The following FGF12 variants were observed in gnomAD, a reference collection of about 807,000 sequenced individuals.
FGF12 encodes the protein fibroblast growth factor 12.
Under a neutral mutation model 23.6 loss-of-function variants are expected in FGF12, and 14 were observed. The ratio of observed to expected loss-of-function variants is 0.59; its 90% confidence interval spans 0.39 to 0.93. The LOEUF is 0.93. FGF12 is among the 40% of genes least tolerant of loss of function. The probability of loss-of-function intolerance (pLI) is 0.00; values close to 1 mark genes in which losing one functional copy is unlikely to be tolerated. For synonymous variants in FGF12, 62 were observed against 77.3 expected (o/e 0.80, Z 1.04); for missense variants, 175 against 217.8 (o/e 0.80, Z 1.24).
intron 2 of FGF12, among the ~76,000 whole-genome samples, chr3:192,579,829 C>T (rs1426843536): frequency 1.3e-5 from 2 of 152,198 alleles, no homozygotes; most frequent in East Asian, 3.8e-4. Context: ...CTCGGCCTCC[C>T]CAAATGCTCA....
intron 2 of FGF12, among the ~76,000 whole-genome samples, chr3:192,387,717 C>CT (rs1428552755): frequency 1.1e-4 from 14 of 132,332 alleles, no homozygotes; most frequent in South Asian, 5.3e-4. Context: ...CACACACACA[C>CT]AATATATATA....
chr3:192,301,238 C>G (rs1002539816), intron 4 of FGF12, among the ~76,000 whole-genome samples: 19 of 152,076 alleles, frequency 1.2e-4, no homozygotes, highest in African/African-American at 4.6e-4. Flanking sequence ...AAACGAATCA[C>G]CGGGCATGGA....
intron 2 of FGF12, among the ~76,000 whole-genome samples, chr3:192,551,150 A>T (rs1483035526): frequency 6.6e-6 from 1 of 152,228 alleles, no homozygotes; most frequent in Non-Finnish European, 1.5e-5. Context: ...CAGGACTGTC[A>T]TATTTTAGAG....
intron 4 of FGF12, among the ~76,000 whole-genome samples, chr3:192,194,037 C>T (rs1031804080): frequency 6.6e-6 from 1 of 152,168 alleles, no homozygotes; most frequent in African/African-American, 2.4e-5. Flanking sequence ...ACTCATACAG[C>T]CCTGTATTTC....
Position 192,669,743 on chromosome 3 carries a change from C to A in FGF12, c.13+57438G>T, listed in dbSNP as rs920564042. On this transcript the variant is annotated intron_variant, in intron 2 of 5. Transcript: ENST00000445105. ...AATTGTTATTTACCTTTTTCATTAT[C>A]ATTTTCTTATGATAATGTGTTTTCC... is the stretch of plus-strand genomic sequence containing the variant. Among the ~76,000 whole-genome samples, 4 of 150,616 alleles carry A rather than the reference C, an allele frequency of 2.7e-5. No individual in the cohort carries two copies. In the Admixed American group the frequency reaches 2.7e-4, roughly 10 times the overall value.
At chr3:192,499,704 T>A (rs1246440694) in intron 2 of FGF12, among the ~76,000 whole-genome samples, 2 of 150,492 alleles carry the variant, frequency 1.3e-5, no homozygotes, top group Admixed American at 1.3e-4. Flanking sequence ...GCTAATTGTT[T>A]GTATTTTTAG....
At chr3:192,649,010 G>T (rs1716112405) in intron 2 of FGF12, among the ~76,000 whole-genome samples, 1 of 152,106 alleles carries the variant, frequency 6.6e-6, no homozygotes, top group Admixed American at 6.6e-5. Flanking sequence ...TGGAGGAAGG[G>T]AAGTTGCAAT....
At chr3:192,346,765 T>C (rs1246282866) in intron 3 of FGF12, among the ~76,000 whole-genome samples, 2 of 152,276 alleles carry the variant, frequency 1.3e-5, no homozygotes, top group East Asian at 3.9e-4. Context: ...CAATGAATGT[T>C]GTGAGAATTT....
In FGF12 at chr3:192,511,669, C is replaced by A. The variant is rs141408894; in HGVS notation, c.14-151131G>T. On this transcript the variant is annotated intron_variant, in intron 2 of 5. Coordinates refer to ENST00000445105, the MANE Select transcript of FGF12 (RefSeq NM_004113.6). The stretch of plus-strand genomic sequence containing the variant: ...TTGTTTAGCATCTTAAACTTGAAAT[C>A]TTTCATTTAATGGATGGGTTTTACA... Among the ~76,000 whole-genome samples the A allele has an allele frequency of 7.9e-5, 12 of 152,190 alleles. No homozygotes were observed. The East Asian group carries it at 2.1e-3, about 27-fold the overall frequency.
intron 2 of FGF12, among the ~76,000 whole-genome samples, chr3:192,383,171 T>C (rs1450074470): frequency 6.6e-6 from 1 of 152,146 alleles, no homozygotes; most frequent in Non-Finnish European, 1.5e-5. Flanking sequence ...AACTAACATA[T>C]ACACCCCAGC....
chr3:192,388,363 A>G (rs1157908765), intron 2 of FGF12, among the ~76,000 whole-genome samples: 1 of 152,270 alleles, frequency 6.6e-6, no homozygotes, highest in Non-Finnish European at 1.5e-5. Flanking sequence ...CAGCTACAGT[A>G]AATGAGTCAT....
At chr3:192,501,350 G>A (rs571320991) in intron 2 of FGF12, among the ~76,000 whole-genome samples, 3 of 152,166 alleles carry the variant, frequency 2.0e-5, no homozygotes, top group East Asian at 1.9e-4. Context: ...AGTTTTAGGT[G>A]TATTGGTGTT....
intron 4 of FGF12, among the ~76,000 whole-genome samples, chr3:192,317,839 G>T (rs1017510496): frequency 6.6e-6 from 1 of 152,148 alleles, no homozygotes; most frequent in African/African-American, 2.4e-5. Context: ...GGCCACAGGG[G>T]TGCTTGTGTC....
intron 4 of FGF12, among the ~76,000 whole-genome samples, chr3:192,249,991 A>G (rs1340647369): frequency 6.6e-6 from 1 of 152,222 alleles, no homozygotes; most frequent in South Asian, 2.1e-4. Flanking sequence ...AGAGTGCTTT[A>G]GATATGGAAG....
intron 2 of FGF12, among the ~76,000 whole-genome samples, chr3:192,578,671 G>C (rs986687038): frequency 6.6e-6 from 1 of 151,718 alleles, no homozygotes; most frequent in Non-Finnish European, 1.5e-5. Context: ...TTACTTGCTG[G>C]ACATTCAAAT....
intron 4 of FGF12, among the ~76,000 whole-genome samples, chr3:192,212,763 C>T (rs1433731541): frequency 6.9e-6 from 1 of 144,560 alleles, no homozygotes; most frequent in Non-Finnish European, 1.5e-5. Context: ...ATATTTTCTT[C>T]TCAACATTAA....
intron 4 of FGF12, among the ~76,000 whole-genome samples, chr3:192,289,494 G>A (rs941813452): frequency 6.6e-6 from 1 of 152,100 alleles, no homozygotes; most frequent in African/African-American, 2.4e-5. Context: ...ATAAGTAGAG[G>A]ATTCAAATGC....
At chr3:192,165,414 T>G (rs1715109425) in intron 5 of FGF12, among the ~76,000 whole-genome samples, 1 of 152,102 alleles carries the variant, frequency 6.6e-6, no homozygotes, top group African/African-American at 2.4e-5. Context: ...TACATGTAAA[T>G]TCTAGGCTAG....
chr3:192,378,574 G>A (rs866192096), intron 2 of FGF12, among the ~76,000 whole-genome samples: 30 of 152,058 alleles, frequency 2.0e-4, no homozygotes, highest in African/African-American at 3.1e-4. Context: ...ATTCATTTTC[G>A]TCATTTTAGC....
Sources: allele counts gnomAD v4.1 joint callset (sites outside exome capture counted in the v4.1 genomes callset), GRCh38; gene constraint gnomAD v4.1.1; transcripts MANE v1.5; gene names NCBI Gene and HGNC (gene_info 2026-07-23, HGNC 2026-07-21).